The following SDK1 variants were observed in gnomAD, a reference collection of about 807,000 sequenced individuals.
SDK1 encodes sidekick cell adhesion molecule 1, also known as protein sidekick-1.
Under a neutral mutation model 245.5 loss-of-function variants are expected in SDK1, and 157 were observed. The ratio of observed to expected loss-of-function variants is 0.64; its 90% CI spans 0.56 to 0.73. SDK1 has a LOEUF of 0.73. SDK1 is among the 30% of genes least tolerant of loss of function. The pLI is 0.00. For missense variants in SDK1, 3,583 were observed against 3,002.3 expected, an observed-to-expected ratio of 1.19 and a Z score of -4.52; for synonymous variants, 1,647 against 1,278.5, an observed-to-expected ratio of 1.29 and a Z score of -6.15.
chr7:3,814,917 ATGT>A (rs1028446625), intron 4 of SDK1, among the ~76,000 whole-genome samples: 21 of 152,084 alleles, frequency 1.4e-4, no homozygotes, highest in African/African-American at 5.1e-4. Context: ...CTCTGTTTGT[ATGT>A]TGTTGGTGTG....
chr7:3,650,900 G>C (rs189256189), intron 4 of SDK1, among the ~76,000 whole-genome samples: 1 of 149,718 alleles, frequency 6.7e-6, no homozygotes, highest in African/African-American at 2.5e-5. Context: ...TTGGTTTCCT[G>C]TTGTTGTTGT....
At chr7:3,647,783 TTGGTA>T (rs1782895261) in intron 4 of SDK1, among the ~76,000 whole-genome samples, 1 of 152,134 alleles carries the variant, frequency 6.6e-6, no homozygotes, top group Non-Finnish European at 1.5e-5. Context: ...ATTTGGCCTC[TTGGTA>T]TGCATAGGAG....
chr7:3,653,383 T>C (rs1030341852), intron 4 of SDK1, among the ~76,000 whole-genome samples: 4 of 152,126 alleles, frequency 2.6e-5, no homozygotes, highest in African/African-American at 9.7e-5. Context: ...AGAATGGCAC[T>C]TTTGTTGGGA....
intron 1 of SDK1, among the ~76,000 whole-genome samples, chr7:3,497,100 A>G (rs1177471094): frequency 6.6e-6 from 1 of 152,214 alleles, no homozygotes; most frequent in Non-Finnish European, 1.5e-5. Flanking sequence ...TTATTAACAG[A>G]CAAGACAGTG....
chr7:3,706,281 C>G (rs536486802), intron 4 of SDK1, among the ~76,000 whole-genome samples: 1 of 152,168 alleles, frequency 6.6e-6, no homozygotes, highest in Admixed American at 6.5e-5. Flanking sequence ...ACTGGCTTCA[C>G]AGATGAGTTA....
intron 4 of SDK1, among the ~76,000 whole-genome samples, chr7:3,730,763 C>T (rs979257231): frequency 6.6e-6 from 1 of 152,076 alleles, no homozygotes; most frequent in African/African-American, 2.4e-5. Context: ...TTGGAAGAGC[C>T]TCAGACATAG....
At chr7:3,389,457 C>T (rs1346311303) in intron 1 of SDK1, among the ~76,000 whole-genome samples, 10 of 152,066 alleles carry the variant, frequency 6.6e-5, no homozygotes, top group African/African-American at 2.4e-4. Context: ...GGGCCATGAG[C>T]CAAGGACAAG....
chr7:3,402,222 C>G (rs941630259), intron 1 of SDK1, among the ~76,000 whole-genome samples: 4 of 152,116 alleles, frequency 2.6e-5, no homozygotes, highest in Admixed American at 6.6e-5. Flanking sequence ...TATATAAAAT[C>G]TAATTGAGAT....
At position 4,142,825 on chromosome 7, in the gene SDK1, C is replaced by T. The variant is rs542931334; in HGVS notation, c.4229-2897C>T. ...TGAGCCATGTGAATGTTACACAGCT[C>T]AAGAAATCATAACAATATTGAATGT... On this transcript the variant is annotated intron_variant, in intron 28 of 44. Coordinates refer to ENST00000404826, the MANE Select transcript of SDK1 (RefSeq NM_152744.4). 1.6e-4 allele frequency among the ~76,000 whole-genome samples: 25 copies of T among 152,290 alleles called. No homozygotes were observed. In the South Asian group the frequency reaches 4.4e-3, roughly 27 times the overall value.
chr7:3,770,449 A>T (rs1299662309), intron 4 of SDK1, among the ~76,000 whole-genome samples: 3 of 152,194 alleles, frequency 2.0e-5, no homozygotes, highest in East Asian at 3.9e-4. Context: ...GTTTTCATTT[A>T]TCTGAGATAA....
rs975135617 is a variant in SDK1, at chr7:4,208,379, C to T, written c.5401+94C>T. ...TCCCCTCACACAGTGGTTCCCGGCC[C>T]GCCCAGGCGGAAGGCAACACCTTTT... On this transcript the variant is annotated intron_variant, in intron 37 of 44. Coordinates refer to ENST00000404826, the MANE Select transcript of SDK1 (RefSeq NM_152744.4). 1.5e-5 allele frequency: 18 copies of T among 1,181,474 alleles called. No individual in the cohort carries two copies. The African/African-American group carries it at 2.2e-4, about 14-fold the overall frequency. 73.2% of individuals were successfully genotyped at this position (1,181,474 alleles called of 1,614,324 possible). A position where few individuals can be genotyped will look rare whatever the true frequency, so the allele number is the denominator to read the frequency against.
intron 9 of SDK1, among the ~76,000 whole-genome samples, chr7:3,965,856 G>T (rs1159225051): frequency 6.6e-6 from 1 of 152,022 alleles, no homozygotes; most frequent in Non-Finnish European, 1.5e-5. Flanking sequence ...TTGGGGACAT[G>T]CGCATTGCAT....
rs887619236 is a variant in SDK1, at chr7:3,619,099, T to C, written c.318T>C (p.Phe106=). ...ALAQDDVAPY[F]KTEPGLPQIH... ...TTTCAGATGATGTTGCTCCATATTT[T>C]AAAACGGAGCCAGGCCTACCACAGA... The change falls in exon 2 of 45, where the codon TTT becomes TTC. Residue 106 remains phenylalanine (F), a synonymous_variant. Transcript: ENST00000404826. The C allele has an allele frequency of 2.5e-6, 4 of 1,606,176 alleles. No homozygotes were observed. Among genetic ancestry groups the C allele is most frequent in the Non-Finnish European group, 3.4e-6 (4 of 1,174,558 alleles).
chr7:3,764,153 C>T (rs1285964986), intron 4 of SDK1, among the ~76,000 whole-genome samples: 1 of 152,114 alleles, frequency 6.6e-6, no homozygotes, highest in African/African-American at 2.4e-5. Flanking sequence ...TTTCCCTTTT[C>T]TATCTCATTC....
rs189861576 is a variant in SDK1 at position 3,602,502 on chromosome 7, C to T, written c.299-16578C>T. 4.2e-3 allele frequency among the ~76,000 whole-genome samples: 644 copies of T among 152,206 alleles called. 1 individual carries two copies. The highest frequency in any genetic ancestry group is 5.2e-3 in the Non-Finnish European group (357 of 68,016). On this transcript the variant is annotated intron_variant, in intron 1 of 44. Coordinates refer to ENST00000404826, the MANE Select transcript of SDK1 (RefSeq NM_152744.4). ...TTGAGACGTGTCTGTTCATATGCTT[C>T]GCCCACTTTTTGATGGGGTTGTTTG...
At chr7:3,651,119 G>A (rs1783000553) in intron 4 of SDK1, among the ~76,000 whole-genome samples, 1 of 122,932 alleles carries the variant, frequency 8.1e-6, no homozygotes, top group African/African-American at 3.1e-5. Context: ...GTATTTGCAT[G>A]TTTAGTTTTA....
chr7:3,716,716 G>A (rs571898056), intron 4 of SDK1, among the ~76,000 whole-genome samples: 9 of 150,138 alleles, frequency 6.0e-5, no homozygotes, highest in Non-Finnish European at 8.9e-5. Flanking sequence ...CTATTACGGC[G>A]CCATTGCACT....
intron 4 of SDK1, among the ~76,000 whole-genome samples, chr7:3,803,859 T>G (rs1465194962): frequency 1.4e-5 from 2 of 146,820 alleles, no homozygotes; most frequent in Non-Finnish European, 3.0e-5. Flanking sequence ...CCGCCTCCCA[T>G]GTTCACGCCA....
intron 4 of SDK1, among the ~76,000 whole-genome samples, chr7:3,709,071 G>A (rs539490632): frequency 6.6e-6 from 1 of 152,280 alleles, no homozygotes; most frequent in South Asian, 2.1e-4. Context: ...CTATTATGGT[G>A]CATAACAACC....
Sources: gnomAD v4.1 joint callset for allele counts (sites outside exome capture counted in the v4.1 genomes callset) on GRCh38, gnomAD v4.1.1 for gene constraint, MANE v1.5 for transcripts, NCBI Gene and HGNC (gene_info 2026-07-23, HGNC 2026-07-21) for gene names.